The following PIK3AP1 variants were observed in gnomAD, a reference collection of about 807,000 sequenced individuals.
PIK3AP1 encodes phosphoinositide-3-kinase adaptor protein 1, also known as phosphoinositide 3-kinase adapter protein 1.
A neutral mutation model predicts 88.1 loss-of-function variants in PIK3AP1; 21 were observed. The observed-to-expected ratio is 0.24, with a 90% confidence interval of 0.17 to 0.34. The LOEUF is 0.34. PIK3AP1 is among the 10% of genes least tolerant of loss of function. The pLI is 1.00. For synonymous variants in PIK3AP1, 398 were observed against 400.0 expected, an observed-to-expected ratio of 1.00 and a Z score of 0.06; for missense variants, 828 against 1,035.7, an observed-to-expected ratio of 0.80 and a Z score of 2.75.
At chr10:96,642,230 G>C (rs1158564356) in intron 8 of PIK3AP1, among the ~76,000 whole-genome samples, 1 of 152,104 alleles carries the variant, frequency 6.6e-6, no homozygotes, top group East Asian at 1.9e-4. Flanking sequence ...TTCAAGACCA[G>C]CCTGGGTAAC....
In PIK3AP1 at chr10:96,685,027, A is replaced by T. The variant is rs201777163; in HGVS notation, c.430+24540T>A. 5.9e-5 allele frequency among the ~76,000 whole-genome samples: 9 copies of T among 152,324 alleles called. No homozygotes were observed. The East Asian group carries it at 1.7e-3, about 29-fold the overall frequency. ...AATCTCCCCAACACAGCCTCCTAGA[A>T]ATGATGCAGACGTGTGGCTTTTGCG... On this transcript the variant is annotated intron_variant, in intron 2 of 16. Transcript: ENST00000339364.
chr10:96,706,149 T>G (rs548381741), intron 2 of PIK3AP1, among the ~76,000 whole-genome samples: 2 of 152,216 alleles, frequency 1.3e-5, no homozygotes, highest in Non-Finnish European at 2.9e-5. Context: ...CGCCTCGGCC[T>G]CCCAAAGGGC....
In PIK3AP1 at chr10:96,651,662, GAA is replaced by G; in HGVS notation, c.713-13_713-12del. 4.3e-6 allele frequency: 7 copies of G among 1,611,634 alleles called. No individual in the cohort carries two copies. The highest frequency in any genetic ancestry group is 5.9e-6 in the Non-Finnish European group (7 of 1,179,314). ...TCCCAGATGAAAGGTCTGAACAGAA[GAA>G]AAGACACTATCAAAATTCCCAGGAA... On this transcript the variant is annotated splice_polypyrimidine_tract_variant and intron_variant, in intron 4 of 16. Transcript: ENST00000339364.
chr10:96,623,558 T>G, intron 10 of PIK3AP1, 21 bp from the exon 11 acceptor site: 1 of 1,569,652 alleles, frequency 6.4e-7, no homozygotes, highest in Non-Finnish European at 8.8e-7. Flanking sequence ...AAGAATATTC[T>G]GATTACTGAA....
At chr10:96,622,144 G>A (rs1461398014) in intron 11 of PIK3AP1, among the ~76,000 whole-genome samples, 1 of 152,222 alleles carries the variant, frequency 6.6e-6, no homozygotes, top group South Asian at 2.1e-4. Context: ...GAACATCAGT[G>A]GAATCCTGAC....
chr10:96,642,127 G>A (rs1843396709), intron 8 of PIK3AP1, among the ~76,000 whole-genome samples: 1 of 152,098 alleles, frequency 6.6e-6, no homozygotes, highest in Admixed American at 6.5e-5. Context: ...ACATAACTGG[G>A]GAAATGAAAA....
intron 16 of PIK3AP1, among the ~76,000 whole-genome samples, chr10:96,601,723 A>T (rs187963724): frequency 6.6e-6 from 1 of 152,150 alleles, no homozygotes; most frequent in South Asian, 2.1e-4. Context: ...TTCTAGCCAA[A>T]CTGATAAAAA....
intron 2 of PIK3AP1, among the ~76,000 whole-genome samples, chr10:96,690,755 G>C (rs1844143199): frequency 6.6e-6 from 1 of 152,180 alleles, no homozygotes; most frequent in African/African-American, 2.4e-5. Context: ...GGCTACCAGA[G>C]TGGACCAATC....
intron 2 of PIK3AP1, among the ~76,000 whole-genome samples, chr10:96,658,444 T>G (rs913624190): frequency 6.6e-6 from 1 of 152,150 alleles, no homozygotes; most frequent in African/African-American, 2.4e-5. Context: ...AGGAAGAGGC[T>G]GTGCTTCCAC....
Position 96,652,802 on chromosome 10 carries a change from T to C in PIK3AP1, c.608A>G (p.Asp203Gly), listed in dbSNP as rs369893107. ...CTCTGCTTCTGTCGCCACCCTGTCA[T>C]CCAGCTTACATCTCACAATAACATA... Reference protein sequence around the residue: ...TVYVIVRCKLDDRVATEAEFS... With the variant: ...TVYVIVRCKLGDRVATEAEFS... The change falls in exon 4 of 17, where the codon GAT (aspartate) becomes GGT (glycine). Residue 203 changes from aspartate to glycine, a missense_variant. Asp to Gly is a moderately conservative substitution (Grantham distance 94). Coordinates refer to ENST00000339364, the MANE Select transcript of PIK3AP1 (RefSeq NM_152309.3). The C allele has an allele frequency of 6.2e-6, 10 of 1,613,978 alleles. No individual in the cohort carries two copies. Among genetic ancestry groups the C allele is most frequent in the Middle Eastern group, 1.6e-4 (1 of 6,084 alleles).
chr10:96,666,561 A>C (rs1298552401), intron 2 of PIK3AP1, among the ~76,000 whole-genome samples: 1 of 152,162 alleles, frequency 6.6e-6, no homozygotes, highest in South Asian at 2.1e-4. Flanking sequence ...GAAAAAAACT[A>C]TGAATTTTAA....
intron 2 of PIK3AP1, among the ~76,000 whole-genome samples, chr10:96,706,245 G>A (rs1213747426): frequency 6.6e-6 from 1 of 152,120 alleles, no homozygotes; most frequent in African/African-American, 2.4e-5. Flanking sequence ...GAAAGTCAAA[G>A]AAACAAGTTT....
intron 1 of PIK3AP1, among the ~76,000 whole-genome samples, chr10:96,713,078 T>C (rs765482174): frequency 2.0e-5 from 3 of 152,172 alleles, no homozygotes; most frequent in Non-Finnish European, 2.9e-5. Context: ...AGAGGGCAGC[T>C]TGGGGCCAGG....
chr10:96,694,690 C>G (rs578168141), intron 2 of PIK3AP1, among the ~76,000 whole-genome samples: 1 of 151,954 alleles, frequency 6.6e-6, no homozygotes, highest in African/African-American at 2.4e-5. Context: ...CATGCCACCA[C>G]GCCTAGATAA....
intron 2 of PIK3AP1, among the ~76,000 whole-genome samples, chr10:96,707,468 T>A (rs1459414466): frequency 6.6e-6 from 1 of 152,028 alleles, no homozygotes; most frequent in Non-Finnish European, 1.5e-5. Flanking sequence ...AATTTTTGTA[T>A]TTTTTTAGTA....
At chr10:96,624,622 G>A (rs1843130367) in intron 10 of PIK3AP1, among the ~76,000 whole-genome samples, 1 of 150,160 alleles carries the variant, frequency 6.7e-6, no homozygotes, top group Non-Finnish European at 1.5e-5. Context: ...GAGCACAGGA[G>A]TTCAAGACCA....
chr10:96,665,463 T>C (rs1203291971), intron 2 of PIK3AP1, among the ~76,000 whole-genome samples: 4 of 152,218 alleles, frequency 2.6e-5, no homozygotes, highest in Non-Finnish European at 4.4e-5. Context: ...TTCTCTTTTT[T>C]ATATTGTGTT....
chr10:96,651,544 A>C lies in PIK3AP1; in HGVS notation c.820T>G (p.Ser274Ala). ...TDMEEIGNLL[S>A]NAANPVEFMC... is the part of the protein sequence containing the mutation. ...AATTCCACAGGATTCGCGGCATTGG[A>C]CAATAAATTCCCAATTTCTTCCATG... The change falls in exon 5 of 17, where the codon TCC (serine) becomes GCC (alanine). Residue 274 changes from serine to alanine, a missense_variant. Ser to Ala is a moderately conservative substitution (Grantham distance 99). Coordinates refer to ENST00000339364, the MANE Select transcript of PIK3AP1 (RefSeq NM_152309.3). 6.2e-7 allele frequency: 1 copy of C among 1,614,208 alleles called. No homozygotes were observed. Among genetic ancestry groups the C allele is most frequent in the Non-Finnish European group, 8.5e-7 (1 of 1,180,036 alleles).
chr10:96,598,409 G>A (rs1272450805), intron 16 of PIK3AP1, among the ~76,000 whole-genome samples: 1 of 152,126 alleles, frequency 6.6e-6, no homozygotes, highest in Admixed American at 6.5e-5. Flanking sequence ...TACGGTGGTA[G>A]ATGACTTGAT....
Sources: allele counts gnomAD v4.1 joint callset (sites outside exome capture counted in the v4.1 genomes callset), GRCh38; gene constraint gnomAD v4.1.1; transcripts MANE v1.5; gene names NCBI Gene and HGNC (gene_info 2026-07-23, HGNC 2026-07-21).